The following USP34 variants were observed in gnomAD, a reference collection of about 807,000 sequenced individuals.
The protein encoded by USP34 is ubiquitin specific peptidase 34.
A neutral mutation model predicts 460.3 loss-of-function variants in USP34; 70 were observed. That is an observed-to-expected ratio of 0.15 (90% confidence interval 0.13 to 0.19). The LOEUF (loss-of-function observed/expected upper bound fraction) is 0.19, where lower values mean the gene tolerates loss of function less well. USP34 is among the 10% of genes least tolerant of loss of function. USP34 has a pLI of 1.00. For missense variants in USP34, 3,985 were observed against 4,236.2 expected (o/e 0.94, Z 1.65); for synonymous variants, 1,647 against 1,405.3 (o/e 1.17, Z -3.85).
chr2:61,385,263 G>A (rs1301527810), intron 5 of USP34, among the ~76,000 whole-genome samples: 3 of 152,140 alleles, frequency 2.0e-5, no homozygotes, highest in Non-Finnish European at 4.4e-5. Flanking sequence ...CATATTTATT[G>A]TGAAGATAAT....
At chr2:61,297,667 T>C (rs1690069576) in intron 29 of USP34, among the ~76,000 whole-genome samples, 1 of 152,230 alleles carries the variant, frequency 6.6e-6, no homozygotes, top group Non-Finnish European at 1.5e-5. Flanking sequence ...TCTAGGGATA[T>C]TCTATAAGCC....
chr2:61,236,838 G>C (rs1361213986), intron 53 of USP34, among the ~76,000 whole-genome samples: 2 of 152,154 alleles, frequency 1.3e-5, no homozygotes, highest in African/African-American at 4.8e-5. Context: ...AGGACTGCAG[G>C]ATCAATGCTG....
intron 1 of USP34, among the ~76,000 whole-genome samples, chr2:61,452,089 G>C (rs1695295698): frequency 6.6e-6 from 1 of 151,444 alleles, no homozygotes; most frequent in South Asian, 2.1e-4. Flanking sequence ...CAGGAGAATG[G>C]TGTGAACCCA....
At position 61,297,048 on chromosome 2, in the gene USP34, G is replaced by C. The variant is rs898535960; in HGVS notation, c.4129-123C>G. On this transcript the variant is annotated intron_variant, in intron 29 of 79. Coordinates refer to ENST00000398571, the MANE Select transcript of USP34 (RefSeq NM_014709.4). The stretch of plus-strand genomic sequence containing the variant: ...AGTTTTTAGCCTCACTTTTTGAAAA[G>C]TGAGAAATGAAACATTTGTTATATG... 2.3e-4 allele frequency: 291 copies of C among 1,280,584 alleles called. 1 individual carries two copies. The African/African-American group carries it at 3.9e-3, about 17-fold the overall frequency. The allele number at this position is 1,280,584 out of a possible 1,614,324, so 79.3% of individuals were successfully genotyped here.
intron 1 of USP34, among the ~76,000 whole-genome samples, chr2:61,439,652 C>A (rs1281905630): frequency 6.6e-6 from 1 of 152,100 alleles, no homozygotes; most frequent in Non-Finnish European, 1.5e-5. Flanking sequence ...AGCATGGCAG[C>A]CCCCGTGGAG....
At position 61,265,271 on chromosome 2, in the gene USP34, G is replaced by A. The variant is rs756033606; in HGVS notation, c.5778+126C>T. The A allele has an allele frequency of 5.8e-5, 59 of 1,020,316 alleles. No individual in the cohort carries two copies. In the Middle Eastern group the frequency reaches 1.6e-3, roughly 27 times the overall value. The allele number at this position is 1,020,316 out of a possible 1,614,324, so 63.2% of individuals were successfully genotyped here. The stretch of plus-strand genomic sequence containing the variant: ...GTAAAATACACATTAGCTAGTTACT[G>A]TAATCAAATTTACTTTTATTCACAA... On this transcript the variant is annotated intron_variant, in intron 43 of 79. Coordinates refer to ENST00000398571, the MANE Select transcript of USP34 (RefSeq NM_014709.4).
chr2:61,345,361 T>C (rs181946504), intron 15 of USP34, among the ~76,000 whole-genome samples: 1 of 152,200 alleles, frequency 6.6e-6, no homozygotes, highest in African/African-American at 2.4e-5. Flanking sequence ...GTGCTAAGAA[T>C]TAAAAAGCAA....
chr2:61,356,670 C>T (rs927679149), intron 10 of USP34, among the ~76,000 whole-genome samples: 31 of 152,114 alleles, frequency 2.0e-4, no homozygotes, highest in African/African-American at 7.0e-4. Context: ...CTCAAAATCA[C>T]GGAAACAGAA....
At chr2:61,325,322 G>T in intron 21 of USP34, 53 bp downstream of exon 21, 54 of 1,159,100 alleles carry the variant, frequency 4.7e-5, no homozygotes, top group Non-Finnish European at 5.8e-5. Context: ...AGTAAATTTA[G>T]TTCTTCCAAT....
At chr2:61,454,859 G>GTTTT (rs36058836) in intron 1 of USP34, among the ~76,000 whole-genome samples, 1 of 84,660 alleles carries the variant, frequency 1.2e-5, no homozygotes, top group Non-Finnish European at 2.4e-5. Context: ...ATATAGTGGG[G>GTTTT]TTTTTTTTTT....
At chr2:61,314,500 CT>C (rs990096393) in intron 25 of USP34, 84 bp downstream of exon 25, 2 of 1,263,398 alleles carry the variant, frequency 1.6e-6, no homozygotes, top group Non-Finnish European at 2.1e-6. Flanking sequence ...CCAACAAAAA[CT>C]TTAGATTCAC....
chr2:61,248,734 G>A (rs563306597), intron 48 of USP34, 51 bp from the exon 49 acceptor site: 5 of 1,481,794 alleles, frequency 3.4e-6, no homozygotes, highest in East Asian at 2.3e-5. Flanking sequence ...AAATACTTCA[G>A]TTGGTTTGAT....
intron 2 of USP34, among the ~76,000 whole-genome samples, chr2:61,419,089 G>C: frequency 6.6e-6 from 1 of 152,132 alleles, no homozygotes; most frequent in Non-Finnish European, 1.5e-5. Flanking sequence ...CCACCAATGA[G>C]GAAATGAGAG....
Position 61,229,478 on chromosome 2 carries a change from A to AAC in USP34, c.7199+69_7199+70insGT, listed in dbSNP as rs1432170150. 2.6e-3 allele frequency: 2,085 copies of AAC among 792,180 alleles called. 23 individuals are homozygous for AAC. Among genetic ancestry groups the AAC allele is most frequent in the South Asian group, 0.011 (336 of 29,542 alleles). 49.1% of individuals were successfully genotyped at this position (792,180 alleles called of 1,614,324 possible). A position where few individuals can be genotyped will look rare whatever the true frequency, so the allele number is the denominator to read the frequency against. Reference sequence around the variant, plus strand: ...CTCTTAAAAAAAAAAAAAAAAAACAAAAAAAAAAAACAAAAACACCACACA... The same window carrying AAC: ...CTCTTAAAAAAAAAAAAAAAAAACAAACAAAAAAAAAACAAAAACACCACACA... On this transcript the variant is annotated intron_variant, in intron 59 of 79. Transcript: ENST00000398571.
chr2:61,399,064 A>C (rs1693630505), intron 3 of USP34, among the ~76,000 whole-genome samples: 1 of 152,124 alleles, frequency 6.6e-6, no homozygotes, highest in South Asian at 2.1e-4. Context: ...CAGCTAAAAA[A>C]TCTCCTAACG....
intron 16 of USP34, among the ~76,000 whole-genome samples, chr2:61,342,446 G>A (rs979981625): frequency 2.0e-5 from 3 of 151,502 alleles, no homozygotes; most frequent in Non-Finnish European, 4.4e-5. Context: ...GACTACAGGT[G>A]AGCACCACCA....
intron 1 of USP34, among the ~76,000 whole-genome samples, chr2:61,434,261 G>T (rs529946832): frequency 6.6e-6 from 1 of 152,228 alleles, no homozygotes; most frequent in East Asian, 1.9e-4. Flanking sequence ...GGTCGTCCCT[G>T]ATGGGCATCC....
chr2:61,196,277 A>G (rs1686806674), intron 75 of USP34, among the ~76,000 whole-genome samples: 1 of 147,628 alleles, frequency 6.8e-6, no homozygotes, highest in Non-Finnish European at 1.5e-5. Flanking sequence ...TTTTTAGTAG[A>G]GACGGGGTTT....
At chr2:61,404,611 A>G (rs1393120420) in intron 3 of USP34, among the ~76,000 whole-genome samples, 1 of 152,182 alleles carries the variant, frequency 6.6e-6, no homozygotes, top group Admixed American at 6.5e-5. Flanking sequence ...TGTGGAGAAA[A>G]TACAAGGAGC....
Sources: gnomAD v4.1 joint callset for allele counts (sites outside exome capture counted in the v4.1 genomes callset) on GRCh38, gnomAD v4.1.1 for gene constraint, MANE v1.5 for transcripts, NCBI Gene and HGNC (gene_info 2026-07-23, HGNC 2026-07-21) for gene names.